LYRM4: variants seen among roughly 807,000 people sequenced by gnomAD.
LYRM4 encodes LYR motif-containing protein 4.
In LYRM4, 9 loss-of-function variants were observed where a neutral mutation model predicts 11.7. That is an observed-to-expected ratio of 0.77 (90% CI 0.46 to 1.34). LYRM4 has a LOEUF of 1.34. LYRM4 is among the 40% of genes most tolerant of loss of function. The probability of loss-of-function intolerance (pLI) is 0.00; values close to 1 mark genes in which losing one functional copy is unlikely to be tolerated. For missense variants in LYRM4, 133 were observed against 112.5 expected (o/e 1.18, Z -0.82); for synonymous variants, 42 against 40.4 (o/e 1.04, Z -0.15).
chr6:5,245,670 T>C (rs1409438322), intron 1 of LYRM4, among the ~76,000 whole-genome samples: 3 of 152,220 alleles, frequency 2.0e-5, no homozygotes, highest in African/African-American at 7.2e-5. Context: ...CTTGACTTCC[T>C]GGAGCCTGAG....
chr6:5,166,537 A>G (rs901803571), intron 2 of LYRM4, among the ~76,000 whole-genome samples: 4 of 152,220 alleles, frequency 2.6e-5, no homozygotes, highest in African/African-American at 9.7e-5. Flanking sequence ...TACTTGTCCT[A>G]TTTGTTCTAG....
At chr6:5,169,009 T>C (rs1011231061) in intron 2 of LYRM4, among the ~76,000 whole-genome samples, 6 of 152,290 alleles carry the variant, frequency 3.9e-5, no homozygotes, top group Non-Finnish European at 8.8e-5. Flanking sequence ...GTTTTCATTA[T>C]ATTATTATTT....
chr6:5,238,462 T>A (rs887985599), intron 1 of LYRM4, among the ~76,000 whole-genome samples: 1 of 152,214 alleles, frequency 6.6e-6, no homozygotes, highest in African/African-American at 2.4e-5. Context: ...AGAGACATCA[T>A]TGATTATCTG....
At position 5,136,189 on chromosome 6, in the gene LYRM4, C is replaced by G. The variant is rs116821832; in HGVS notation, c.208-26698G>C. Reference sequence around the variant, plus strand: ...GGTTGCTGTTGTGAATAATACTGCTCTGAACACTGGTGGGCAAGTATCCTT... The same window carrying G: ...GGTTGCTGTTGTGAATAATACTGCTGTGAACACTGGTGGGCAAGTATCCTT... On this transcript the variant is annotated intron_variant, in intron 2 of 2. Coordinates refer to ENST00000330636, the MANE Select transcript of LYRM4 (RefSeq NM_020408.6). 2.1e-3 allele frequency: 1,552 copies of G among 748,826 alleles called. 15 individuals are homozygous for G. The African/African-American group carries it at 0.024, about 12-fold the overall frequency. 46.4% of individuals were successfully genotyped at this position (748,826 alleles called of 1,614,324 possible).
At chr6:5,146,519 G>A (rs1757734281) in intron 2 of LYRM4, among the ~76,000 whole-genome samples, 1 of 152,108 alleles carries the variant, frequency 6.6e-6, no homozygotes, top group Non-Finnish European at 1.5e-5. Flanking sequence ...CTTGTGAAAC[G>A]CAGGCCCCAC....
the LYRM4 span, among the ~76,000 whole-genome samples, chr6:5,069,430 C>T: frequency 6.7e-6 from 1 of 150,176 alleles, no homozygotes; most frequent in African/African-American, 2.4e-5. Flanking sequence ...ATATTTTCCA[C>T]AATACATATA....
chr6:5,033,964 T>A, the LYRM4 span: 8 of 152,332 alleles, frequency 5.3e-5, no homozygotes, highest in Admixed American at 2.6e-4. Context: ...CCCCTCTGCT[T>A]TCTTGTCCCA....
intron 2 of LYRM4, among the ~76,000 whole-genome samples, chr6:5,190,167 G>C (rs1172232721): frequency 6.6e-6 from 1 of 152,004 alleles, no homozygotes; most frequent in African/African-American, 2.4e-5. Context: ...AGTACACAGA[G>C]TAGATACTAC....
At chr6:5,153,846 T>C (rs1326709149) in intron 2 of LYRM4, among the ~76,000 whole-genome samples, 1 of 152,192 alleles carries the variant, frequency 6.6e-6, no homozygotes, top group East Asian at 1.9e-4. Flanking sequence ...AAGACTCTAA[T>C]AATTTTAAAA....
intron 2 of LYRM4, among the ~76,000 whole-genome samples, chr6:5,178,868 C>T (rs541199864): frequency 1.2e-4 from 16 of 131,512 alleles, no homozygotes; most frequent in African/African-American, 3.6e-4. Flanking sequence ...TGCTACAAAG[C>T]GTTGAAATAC....
intron 1 of LYRM4, among the ~76,000 whole-genome samples, chr6:5,238,660 G>A (rs1191525121): frequency 6.6e-6 from 1 of 152,164 alleles, no homozygotes; most frequent in Non-Finnish European, 1.5e-5. Flanking sequence ...ACAGATCTGT[G>A]AAGAACAATA....
At chr6:5,218,780 T>C (rs1294713557) in intron 1 of LYRM4, among the ~76,000 whole-genome samples, 1 of 152,260 alleles carries the variant, frequency 6.6e-6, no homozygotes, top group Non-Finnish European at 1.5e-5. Flanking sequence ...ATACATCAGA[T>C]ACAGACTCTC....
intron 1 of LYRM4, among the ~76,000 whole-genome samples, chr6:5,253,834 A>C (rs79922617): frequency 3.8e-3 from 31 of 8,068 alleles, no homozygotes; most frequent in Admixed American, 4.9e-3. Flanking sequence ...CATGCTGAGC[A>C]AAAAAAAAAA....
intron 2 of LYRM4, among the ~76,000 whole-genome samples, chr6:5,146,835 G>T (rs1757755076): frequency 6.6e-6 from 1 of 152,214 alleles, no homozygotes; most frequent in Non-Finnish European, 1.5e-5. Flanking sequence ...GGAGCCAGGA[G>T]GCCGGTCTGT....
intron 1 of LYRM4, chr6:5,218,438 T>G: frequency 3.1e-6 from 3 of 955,320 alleles, no homozygotes; most frequent in African/African-American, 3.5e-5. Flanking sequence ...TCAGATAAAG[T>G]TTTTTAAAGT....
At chr6:5,073,490 A>G in the LYRM4 span, among the ~76,000 whole-genome samples, 5 of 148,290 alleles carry the variant, frequency 3.4e-5, no homozygotes, top group Admixed American at 1.4e-4. Context: ...ATATATCTAT[A>G]TATATCTCTA....
chr6:5,196,201 C>T (rs1355807180), intron 2 of LYRM4, among the ~76,000 whole-genome samples: 1 of 152,116 alleles, frequency 6.6e-6, no homozygotes, highest in Non-Finnish European at 1.5e-5. Flanking sequence ...CTTTCCAGTC[C>T]CCATCATCTG....
At position 5,108,877 on chromosome 6, in the gene LYRM4, A is replaced by T. The variant is rs117585724; in HGVS notation, c.*546T>A. ...GGCTCAGGTATAAGTTGCAGGGTGC[A>T]CCGTGTATCCCCGTAGCCCTGCCCT... On this transcript the variant is annotated 3_prime_UTR_variant, in exon 3 of 3. Transcript: ENST00000330636. 215 of 988,392 alleles carry T rather than the reference A, an allele frequency of 2.2e-4. 1 individual carries two copies. The East Asian group carries it at 0.021, about 95-fold the overall frequency. 61.2% of individuals were successfully genotyped at this position (988,392 alleles called of 1,614,324 possible).
intron 1 of LYRM4, among the ~76,000 whole-genome samples, chr6:5,246,170 G>A (rs1282075915): frequency 6.6e-6 from 1 of 152,116 alleles, no homozygotes; most frequent in Non-Finnish European, 1.5e-5. Flanking sequence ...CCAAACATAG[G>A]AAACAATATG....
Sources: allele counts gnomAD v4.1 joint callset (sites outside exome capture counted in the v4.1 genomes callset), GRCh38; gene constraint gnomAD v4.1.1; transcripts MANE v1.5; gene names NCBI Gene and HGNC (gene_info 2026-07-23, HGNC 2026-07-21).